Variants in WFS1 observed in about 807,000 individuals in gnomAD.
WFS1 encodes the protein wolframin.
In WFS1, 90 loss-of-function variants were observed where a neutral mutation model predicts 68.5. The ratio of observed to expected loss-of-function variants is 1.31; its 90% CI spans 1.11 to 1.56. The LOEUF (loss-of-function observed/expected upper bound fraction) is 1.56. Among genes scored for constraint, WFS1 ranks in the 40% most tolerant of loss-of-function variants. WFS1 has a pLI of 0.00. For synonymous variants in WFS1, 860 were observed against 540.7 expected (o/e 1.59, Z -8.19); for missense variants, 1,767 against 1,232.6 (o/e 1.43, Z -6.49).
chr4:6,298,118 G>C (rs943029470), intron 7 of WFS1, among the ~76,000 whole-genome samples: 2 of 152,352 alleles, frequency 1.3e-5, no homozygotes, highest in African/African-American at 4.8e-5. Context: ...TGGCGGTCGT[G>C]CGTGAAACTG....
intron 7 of WFS1, among the ~76,000 whole-genome samples, chr4:6,295,906 C>T (rs1560413648): frequency 6.6e-6 from 1 of 152,250 alleles, no homozygotes; most frequent in Non-Finnish European, 1.5e-5. Context: ...GTGCCTGTCT[C>T]ACTCTGCAGA....
rs71530904 is a variant in WFS1 at position 6,300,929 on chromosome 4, C to G, written c.1134C>G (p.Thr378=). ...SKAWENFRTL[T]DLLLRFEPNL... is the part of the protein sequence containing the mutation. ...CCTGGGAGAACTTCCGCACCCTCAC[C>G]GACCTGCTGCTGCGCTTCGAGCCCA... Residue 378 remains threonine, a synonymous_variant, in exon 8 of 8, where the codon ACC becomes ACG. Transcript: ENST00000226760. 211 of 1,614,052 alleles carry G rather than the reference C, an allele frequency of 1.3e-4. No homozygotes were observed. The highest frequency in any genetic ancestry group is 2.3e-4 in the South Asian group (21 of 91,078).
intron 7 of WFS1, among the ~76,000 whole-genome samples, chr4:6,297,742 T>G (rs1730676060): frequency 6.6e-6 from 1 of 152,190 alleles, no homozygotes; most frequent in Non-Finnish European, 1.5e-5. Flanking sequence ...TCCTCATAGT[T>G]TTTAAGTTTC....
rs1730960629 is a variant in WFS1, at chr4:6,302,157, G to C, written c.2362G>C (p.Asp788His). ...TVGMPFSSGA[D>H]GSRSREEDDV... ...GGGCATGCCATTCAGCAGCGGCGCT[G>C]ACGGCTCGCGCAGCCGCGAGGAGGA... Residue 788 changes from aspartate (D) to histidine (H), a missense_variant, in exon 8 of 8, where the codon GAC becomes CAC. Transcript: ENST00000226760. 2 of 1,612,832 alleles carry C rather than the reference G, an allele frequency of 1.2e-6. No individual in the cohort carries two copies. The highest frequency in any genetic ancestry group is 1.7e-6 in the Non-Finnish European group (2 of 1,180,000).
In WFS1 at chr4:6,301,726, T is replaced by G. The variant is rs1356875175; in HGVS notation, c.1931T>G (p.Val644Gly). The G allele has an allele frequency of 6.2e-7, 1 of 1,613,996 alleles. No homozygotes were observed. The highest frequency in any genetic ancestry group is 2.2e-5 in the East Asian group (1 of 44,872). The part of the protein sequence containing the change: ...KLILVWLTAI[V>G]LFCWFYVYRS... ...ATCCTGGTGTGGCTCACGGCCATCGTGCTGTTCTGCTGGTTCTATGTGTAC... is the reference window on the plus strand; with the variant it reads ...ATCCTGGTGTGGCTCACGGCCATCGGGCTGTTCTGCTGGTTCTATGTGTAC... Residue 644 changes from valine to glycine, a missense_variant, in exon 8 of 8, where the codon GTG (valine) becomes GGG (glycine). By Grantham distance (109) the Val-to-Gly change is moderately radical (BLOSUM62 -3). Transcript: ENST00000226760.
chr4:6,282,302 G>A (rs188795439), intron 2 of WFS1, among the ~76,000 whole-genome samples: 18 of 152,356 alleles, frequency 1.2e-4, no homozygotes, highest in African/African-American at 4.1e-4. Flanking sequence ...TGGGGGATGC[G>A]CCGGTGGTGC....
Position 6,300,879 on chromosome 4 carries a change from C to G in WFS1, c.1084C>G (p.Leu362Val), listed in dbSNP as rs746351317. ...LSFISMVICT[L>V]KVFQDSKAWE... ...CTTCATCTCCATGGTGATCTGCACC[C>G]TCAAGGTGTTCCAGGACAGCAAGGC... The change falls in exon 8 of 8, where the codon CTC becomes GTC. Residue 362 changes from leucine (L) to valine (V), a missense_variant. By Grantham distance (32) the Leu-to-Val change is conservative. Transcript: ENST00000226760. The G allele has an allele frequency of 2.5e-6, 4 of 1,614,038 alleles. No homozygotes were observed. Among genetic ancestry groups the G allele is most frequent in the Admixed American group, 1.7e-5 (1 of 60,008 alleles).
At position 6,302,690 on chromosome 4, in the gene WFS1, GC is replaced by G; in HGVS notation, c.*224del. 1.5e-6 allele frequency: 1 copy of G among 665,590 alleles called. No individual in the cohort carries two copies. 41.2% of individuals were successfully genotyped at this position (665,590 alleles called of 1,614,324 possible). On this transcript the variant is annotated 3_prime_UTR_variant, in exon 8 of 8. Coordinates refer to ENST00000226760, the MANE Select transcript of WFS1 (RefSeq NM_006005.3). ...ATACCAAGTGTGTTGGGAATTGCAT[GC>G]CATCTCCACCCTGAGCCTGACCTTT...
intron 4 of WFS1, 95 bp downstream of exon 4, chr4:6,289,226 C>T (rs564641573): frequency 9.4e-5 from 136 of 1,450,760 alleles, no homozygotes; most frequent in Non-Finnish European, 1.1e-4. Context: ...CCAAACCTAA[C>T]GCTGGTGATG....
intron 7 of WFS1, among the ~76,000 whole-genome samples, chr4:6,299,003 C>T (rs929773448): frequency 1.3e-5 from 2 of 152,236 alleles, no homozygotes; most frequent in Non-Finnish European, 2.9e-5. Flanking sequence ...TGTGGGGCCG[C>T]CCCCTAGGCG....
Position 6,301,540 on chromosome 4 carries a change from T to TA in WFS1, c.1745_1746insA (p.Leu583AlafsTer23), listed in dbSNP as rs1324441699. 1 of 1,614,026 alleles carries TA rather than the reference T, an allele frequency of 6.2e-7. No individual in the cohort carries two copies. On this transcript the variant is annotated frameshift_variant, in exon 8 of 8. Transcript: ENST00000226760. LOFTEE classifies it high-confidence loss of function. ...GTGGCCGGCCTGGCCCTGGTGGGCG[T>TA]GCTGCAGTTCGCCCGGTGGTTCACG...
At chr4:6,280,584 C>T (rs1283723679) in intron 2 of WFS1, among the ~76,000 whole-genome samples, 1 of 152,180 alleles carries the variant, frequency 6.6e-6, no homozygotes, top group Non-Finnish European at 1.5e-5. Context: ...AAAGGGCGGG[C>T]TCAGATGCAC....
In WFS1 at chr4:6,284,665, A is replaced by G. The variant is rs911747516; in HGVS notation, c.233-2428A>G. ...CCTGGGGAAGTGGGGGAGGGAAGAG[A>G]AAGCCTCCTCTTGTGAACAGCAACT... On this transcript the variant is annotated intron_variant, in intron 2 of 7. Transcript: ENST00000226760. 4.0e-5 allele frequency among the ~76,000 whole-genome samples: 6 copies of G among 151,870 alleles called. No individual in the cohort carries two copies. In the South Asian group the frequency reaches 1.3e-3, roughly 32 times the overall value.
intron 3 of WFS1, chr4:6,288,648 AG>A: frequency 2.5e-6 from 1 of 395,952 alleles, no homozygotes. Context: ...AGAGGTGTAA[AG>A]GACCCAGTCA....
chr4:6,276,170 C>T (rs1164591786), intron 1 of WFS1, among the ~76,000 whole-genome samples: 1 of 152,198 alleles, frequency 6.6e-6, no homozygotes, highest in South Asian at 2.1e-4. Context: ...GTTTCCACAG[C>T]CTCACACAGC....
At chr4:6,300,212 G>C (rs984157052) in intron 7 of WFS1, among the ~76,000 whole-genome samples, 5 of 152,152 alleles carry the variant, frequency 3.3e-5, no homozygotes, top group Admixed American at 2.6e-4. Context: ...CTTCATGGAG[G>C]CTCAGGGAGG....
rs112030398 is a variant in WFS1, at chr4:6,270,879, C to A, written c.-6+865C>A. ...CGTTTGACACCCCAGGAAGCTGAGG[C>A]TCAGCAGGGTTTGGTGCCAGCCCAG... On this transcript the variant is annotated intron_variant, in intron 1 of 7. Transcript: ENST00000226760. Among the ~76,000 whole-genome samples the A allele has an allele frequency of 9.2e-3, 1,403 of 152,312 alleles. 24 individuals are homozygous for A. Among genetic ancestry groups the A allele is most frequent in the African/African-American group, 0.031 (1,300 of 41,568 alleles).
intron 2 of WFS1, among the ~76,000 whole-genome samples, chr4:6,282,458 T>C (rs1730197010): frequency 1.3e-5 from 2 of 152,204 alleles, no homozygotes. Flanking sequence ...GTCAAGGGCT[T>C]GCCCAGGACC....
At chr4:6,299,240 A>C (rs1469206357) in intron 7 of WFS1, among the ~76,000 whole-genome samples, 2 of 151,986 alleles carry the variant, frequency 1.3e-5, no homozygotes, top group Non-Finnish European at 2.9e-5. Context: ...GCGCTGCTTC[A>C]CCCCATCCTG....
Sources: gnomAD v4.1 joint callset for allele counts (sites outside exome capture counted in the v4.1 genomes callset) on GRCh38, gnomAD v4.1.1 for gene constraint, MANE v1.5 for transcripts, NCBI Gene and HGNC (gene_info 2026-07-23, HGNC 2026-07-21) for gene names.